PHGR1: variants seen among roughly 807,000 people sequenced by gnomAD.
The protein encoded by PHGR1 is proline, histidine and glycine-rich protein 1.
In PHGR1, 3 loss-of-function variants were observed where a neutral mutation model predicts 4.9. The observed-to-expected ratio is 0.61, with a 90% confidence interval of 0.28 to 1.58. The LOEUF (loss-of-function observed/expected upper bound fraction) is 1.58. Ranked by LOEUF, PHGR1 falls within the 40% of genes most tolerant of loss-of-function variation. The probability of loss-of-function intolerance (pLI) is 0.11; values close to 1 mark genes in which losing one functional copy is unlikely to be tolerated. For synonymous variants in PHGR1, 32 were observed against 46.1 expected (o/e 0.69, Z 1.24); for missense variants, 81 against 118.7 (o/e 0.68, Z 1.48).
intron 1 of PHGR1, 69 bp from the exon 2 acceptor site, chr15:40,353,159 GCATC>G: frequency 5.9e-6 from 8 of 1,344,724 alleles, no homozygotes; most frequent in Non-Finnish European, 4.2e-6. Flanking sequence ...GCGCGCGCGC[GCATC>G]CGTGGGAGGG....
chr15:40,353,142 T>C lies in PHGR1; in HGVS notation c.-26-90T>C, dbSNP rs878885615. The stretch of plus-strand genomic sequence containing the variant: ...GTGTGTGTGTGTGTGTGTGTGTGTG[T>C]GTGTGCGCGCGCGCGCGCATCCGTG... On this transcript the variant is annotated intron_variant, in intron 1 of 3. Coordinates refer to ENST00000448599, the MANE Select transcript of PHGR1 (RefSeq NM_001145643.2). 3.6e-3 allele frequency: 3,404 copies of C among 941,718 alleles called. 48 individuals are homozygous for C. The highest frequency in any genetic ancestry group is 0.016 in the South Asian group (1,017 of 64,840). The allele number at this position is 941,718 out of a possible 1,614,324, so 58.3% of individuals were successfully genotyped here.
rs928164405 is a variant in PHGR1, at chr15:40,356,183, C to T, written c.129C>T (p.Cys43=). ...CCCCCCACCATGGTCCAGGGCCCTG[C>T]GGGCCACCCCCTGGCCATGGCCCAG... ...GPPPHHGPGP[C]GPPPGHGPGP... The change falls in exon 4 of 4, where the codon TGC becomes TGT. Residue 43 remains cysteine, a synonymous_variant. Transcript: ENST00000448599. 7.5e-6 allele frequency: 11 copies of T among 1,461,394 alleles called. No homozygotes were observed. The highest frequency in any genetic ancestry group is 2.3e-5 in the Admixed American group (1 of 43,752). 90.5% of individuals were successfully genotyped at this position (1,461,394 alleles called of 1,614,324 possible).
intron 3 of PHGR1, among the ~76,000 whole-genome samples, chr15:40,354,631 C>G (rs1392086647): frequency 6.6e-6 from 1 of 152,216 alleles, no homozygotes; most frequent in African/African-American, 2.4e-5. Context: ...GCAGCCCATC[C>G]TCTCTCCTGC....
chr15:40,352,098 G>A (rs939679008), intron 1 of PHGR1, among the ~76,000 whole-genome samples: 3 of 152,144 alleles, frequency 2.0e-5, no homozygotes, highest in African/African-American at 7.2e-5. Flanking sequence ...AGCTACTCCA[G>A]AGGTTAAGGT....
At chr15:40,353,175 G>A (rs1889236122) in intron 1 of PHGR1, 57 bp from the exon 2 acceptor site, 4 of 1,508,030 alleles carry the variant, frequency 2.7e-6, no homozygotes, top group Admixed American at 2.0e-5. Flanking sequence ...GTGGGAGGGA[G>A]AAAGGAAAGA....
At chr15:40,353,146 T>TGA in intron 1 of PHGR1, 86 bp from the exon 2 acceptor site, 2 of 775,198 alleles carry the variant, frequency 2.6e-6, no homozygotes, top group Non-Finnish European at 2.0e-6. Context: ...TGTGTGTGTG[T>TGA]GCGCGCGCGC....
rs1028641292 is a variant in PHGR1, at chr15:40,356,075, G to T, written c.21G>T (p.Gly7=). The T allele has an allele frequency of 6.5e-7, 1 of 1,549,712 alleles. No individual in the cohort carries two copies. The highest frequency in any genetic ancestry group is 8.7e-7 in the Non-Finnish European group (1 of 1,146,762). MDPGPK[G]HCHCGGHGHP... is the part of the protein sequence containing the mutation. ...ATTGTTCATTTGACTTTCCACAGGG[G>T]CACTGCCACTGTGGGGGGCATGGCC... Residue 7 remains glycine (G), a splice_region_variant and synonymous_variant, in exon 4 of 4, where the codon GGG becomes GGT. Coordinates refer to ENST00000448599, the MANE Select transcript of PHGR1 (RefSeq NM_001145643.2).
chr15:40,352,654 G>T (rs556854371), intron 1 of PHGR1, among the ~76,000 whole-genome samples: 1 of 152,246 alleles, frequency 6.6e-6, no homozygotes, highest in African/African-American at 2.4e-5. Flanking sequence ...GAGCCCCAGG[G>T]CAAAAATCCA....
rs371126937 is a variant in PHGR1, at chr15:40,354,072, C to A, written c.11-273C>A. Among the ~76,000 whole-genome samples, 6 of 152,306 alleles carry A rather than the reference C, an allele frequency of 3.9e-5. No individual in the cohort carries two copies. The East Asian group carries it at 7.7e-4, about 20-fold the overall frequency. On this transcript the variant is annotated intron_variant, in intron 2 of 3. Transcript: ENST00000448599. ...GACAGAGTTGAGACAAGAACCCATA[C>A]CTCCTAACTGGCGCCACTCCACCCA...
In PHGR1 at chr15:40,354,363, TC is replaced by T; in HGVS notation, c.18+16del. ...CCCACAGGTCCGAAGGTAGGAAAGTTCCCCCAATGGTCTCCCCTTTTTCCTC... is the reference window on the plus strand; with the variant it reads ...CCCACAGGTCCGAAGGTAGGAAAGTTCCCCAATGGTCTCCCCTTTTTCCTC... On this transcript the variant is annotated intron_variant, in intron 3 of 3. Coordinates refer to ENST00000448599, the MANE Select transcript of PHGR1 (RefSeq NM_001145643.2). 2 of 1,535,526 alleles carry T rather than the reference TC, an allele frequency of 1.3e-6. No individual in the cohort carries two copies. The highest frequency in any genetic ancestry group is 3.9e-5 in the Admixed American group (2 of 50,976).
chr15:40,353,085 G>A, intron 1 of PHGR1, 147 bp from the exon 2 acceptor site: 3 of 898,366 alleles, frequency 3.3e-6, no homozygotes, highest in South Asian at 1.7e-5. Context: ...GGAGGGAGCA[G>A]TTTTTTCCCT....
chr15:40,355,987 C>T, intron 3 of PHGR1, 86 bp from the exon 4 acceptor site: 1 of 1,375,698 alleles, frequency 7.3e-7, no homozygotes, highest in Non-Finnish European at 1.0e-6. Context: ...CTGAGTCCCC[C>T]AGGGAAGTGG....
In PHGR1 at chr15:40,353,146, T is replaced by TGTGCGC. The variant is rs56132408; in HGVS notation, c.-26-85_-26-84insTGCGCG. ...GTGTGTGTGTGTGTGTGTGTGTGTG[T>TGTGCGC]GCGCGCGCGCGCGCATCCGTGGGAG... On this transcript the variant is annotated intron_variant, in intron 1 of 3. Coordinates refer to ENST00000448599, the MANE Select transcript of PHGR1 (RefSeq NM_001145643.2). The TGTGCGC allele has an allele frequency of 5.7e-5, 44 of 776,260 alleles. No homozygotes were observed. In the African/African-American group the frequency reaches 7.2e-4, roughly 13 times the overall value. The allele number at this position is 776,260 out of a possible 1,614,324, so 48.1% of individuals were successfully genotyped here.
intron 1 of PHGR1, among the ~76,000 whole-genome samples, chr15:40,352,275 T>G (rs1429427283): frequency 1.3e-5 from 2 of 152,148 alleles, no homozygotes; most frequent in African/African-American, 4.8e-5. Flanking sequence ...TGCAAGAGGC[T>G]AGGGTTGTTG....
chr15:40,353,376 G>C, intron 2 of PHGR1, 109 bp downstream of exon 2: 1 of 1,385,072 alleles, frequency 7.2e-7, no homozygotes. Context: ...AAAAATGTAC[G>C]TGCGTGTGTG....
In PHGR1 at chr15:40,356,320, A is replaced by G; in HGVS notation, c.*17A>G. 6.5e-7 allele frequency: 1 copy of G among 1,549,810 alleles called. No homozygotes were observed. The highest frequency in any genetic ancestry group is 2.4e-5 in the East Asian group (1 of 40,886). On this transcript the variant is annotated 3_prime_UTR_variant, in exon 4 of 4. Transcript: ENST00000448599. ...CATCACTGAGGAAGTAGAAGAAAAC[A>G]GGACACAAGATGGCAAGCCTGAGAG...
chr15:40,355,411 G>A (rs1889277015), intron 3 of PHGR1, among the ~76,000 whole-genome samples: 1 of 152,170 alleles, frequency 6.6e-6, no homozygotes, highest in South Asian at 2.1e-4. Flanking sequence ...TACATACCAA[G>A]CTTGAATATG....
At chr15:40,351,793 G>C (rs1355179445) in intron 1 of PHGR1, among the ~76,000 whole-genome samples, 1 of 152,092 alleles carries the variant, frequency 6.6e-6, no homozygotes, top group Non-Finnish European at 1.5e-5. Flanking sequence ...CTGGAGTGCA[G>C]TGCTGCAATC....
At chr15:40,352,647 C>G (rs1319936620) in intron 1 of PHGR1, among the ~76,000 whole-genome samples, 1 of 152,152 alleles carries the variant, frequency 6.6e-6, no homozygotes, top group African/African-American at 2.4e-5. Context: ...TTCACTTGAG[C>G]CCCAGGGCAA....
Sources: allele counts gnomAD v4.1 joint callset (sites outside exome capture counted in the v4.1 genomes callset), GRCh38; gene constraint gnomAD v4.1.1; transcripts MANE v1.5; gene names NCBI Gene and HGNC (gene_info 2026-07-23, HGNC 2026-07-21).